Variants in RFX4 observed in about 807,000 individuals in gnomAD.
RFX4 encodes transcription factor RFX4.
Under a neutral mutation model 95.0 loss-of-function variants are expected in RFX4, and 10 were observed. The ratio of observed to expected loss-of-function variants is 0.11; its 90% confidence interval spans 0.06 to 0.18. The LOEUF (loss-of-function observed/expected upper bound fraction) is 0.18, where lower values mean the gene tolerates loss of function less well. Among genes scored for constraint, RFX4 ranks in the 10% least tolerant of loss-of-function variants. The pLI is 1.00. For synonymous variants in RFX4, 321 were observed against 340.7 expected (o/e 0.94, Z 0.64); for missense variants, 640 against 922.0 (o/e 0.69, Z 3.96).
chr12:106,734,487 T>G (rs2042673203), intron 15 of RFX4, among the ~76,000 whole-genome samples: 1 of 151,250 alleles, frequency 6.6e-6, no homozygotes, highest in South Asian at 2.1e-4. Flanking sequence ...TCCCAGCTAC[T>G]AAGGAGGCTG....
intron 11 of RFX4, 36 bp downstream of exon 11, chr12:106,715,580 T>C (rs1168148916): frequency 4.4e-6 from 7 of 1,603,974 alleles, no homozygotes; most frequent in Non-Finnish European, 6.0e-6. Flanking sequence ...GTCCTGTTTT[T>C]ATTTTTAAAA....
intron 17 of RFX4, among the ~76,000 whole-genome samples, chr12:106,756,275 A>G (rs1022754593): frequency 1.3e-5 from 2 of 152,224 alleles, no homozygotes; most frequent in African/African-American, 2.4e-5. Context: ...GACCAAGTAC[A>G]TAGCTACAAA....
rs74347815 is a variant in RFX4, at chr12:106,712,558, G to A, written c.993+1047G>A. Reference sequence around the variant, plus strand: ...TTTCTAGTTAGAGTGGCCTGAAGGAGGGTCCCAGACCAGGAACCAGAAAGT... The same window carrying A: ...TTTCTAGTTAGAGTGGCCTGAAGGAAGGTCCCAGACCAGGAACCAGAAAGT... On this transcript the variant is annotated intron_variant, in intron 10 of 17. Transcript: ENST00000392842. Among the ~76,000 whole-genome samples the A allele has an allele frequency of 1.3e-3, 198 of 152,222 alleles. 6 individuals are homozygous for A. The East Asian group carries it at 0.033, about 25-fold the overall frequency.
At chr12:106,601,983 T>G (rs940681131) in intron 1 of RFX4, among the ~76,000 whole-genome samples, 1 of 152,084 alleles carries the variant, frequency 6.6e-6, no homozygotes, top group Admixed American at 6.6e-5. Context: ...CCATGGAAGC[T>G]CTCCTCTCTA....
At chr12:106,626,402 G>A (rs889030728) in intron 2 of RFX4, among the ~76,000 whole-genome samples, 2 of 152,172 alleles carry the variant, frequency 1.3e-5, no homozygotes, top group Admixed American at 6.5e-5. Context: ...TACGAGACTG[G>A]TCTTGAGCTT....
At chr12:106,654,799 C>T (rs1289197193) in intron 4 of RFX4, among the ~76,000 whole-genome samples, 1 of 152,176 alleles carries the variant, frequency 6.6e-6, no homozygotes, top group Admixed American at 6.5e-5. Flanking sequence ...AGACTGTTCT[C>T]TTTCCACCTT....
chr12:106,612,603 C>T lies in RFX4; in HGVS notation c.130+3720C>T, dbSNP rs746587580. On this transcript the variant is annotated intron_variant, in intron 2 of 17. Coordinates refer to ENST00000392842, the MANE Select transcript of RFX4 (RefSeq NM_213594.3). Reference sequence around the variant, plus strand: ...TTGTAATCCCAGCACTTTGGGAGGCCGAGGGAGGTGGATCACCTGAGGTCA... The same window carrying T: ...TTGTAATCCCAGCACTTTGGGAGGCTGAGGGAGGTGGATCACCTGAGGTCA... Among the ~76,000 whole-genome samples the T allele has an allele frequency of 5.3e-5, 8 of 152,050 alleles. No individual in the cohort carries two copies. In the East Asian group the frequency reaches 1.3e-3, roughly 26 times the overall value.
intron 16 of RFX4, among the ~76,000 whole-genome samples, chr12:106,749,942 T>C (rs965758637): frequency 6.6e-6 from 1 of 152,168 alleles, no homozygotes; most frequent in Non-Finnish European, 1.5e-5. Context: ...TACAAAAACA[T>C]AAATCTCACA....
At chr12:106,654,771 G>C (rs2040923079) in intron 4 of RFX4, among the ~76,000 whole-genome samples, 1 of 152,086 alleles carries the variant, frequency 6.6e-6, no homozygotes, top group Non-Finnish European at 1.5e-5. Flanking sequence ...GGTACTATTT[G>C]CATTATCACT....
intron 1 of RFX4, chr12:106,601,327 T>C (rs368999937): frequency 3.8e-6 from 6 of 1,590,094 alleles, no homozygotes; most frequent in Admixed American, 1.7e-5. Flanking sequence ...GGACCAGGCC[T>C]CGACGGCGCC....
At chr12:106,674,156 G>A (rs1018450457) in intron 4 of RFX4, among the ~76,000 whole-genome samples, 3 of 152,174 alleles carry the variant, frequency 2.0e-5, no homozygotes, top group Non-Finnish European at 2.9e-5. Flanking sequence ...TTCCTGAAAC[G>A]AATGAGACAA....
At chr12:106,628,039 C>T (rs1024959597) in intron 2 of RFX4, among the ~76,000 whole-genome samples, 5 of 152,172 alleles carry the variant, frequency 3.3e-5, no homozygotes, top group Non-Finnish European at 7.3e-5. Flanking sequence ...AACCCAGGTT[C>T]GAGACTGCTA....
At chr12:106,755,045 T>C (rs1342993325) in intron 17 of RFX4, among the ~76,000 whole-genome samples, 2 of 152,250 alleles carry the variant, frequency 1.3e-5, no homozygotes, top group African/African-American at 2.4e-5. Context: ...TTCAGAGCAC[T>C]GTTCTAGGCA....
intron 4 of RFX4, among the ~76,000 whole-genome samples, chr12:106,681,369 G>A (rs933062730): frequency 6.6e-6 from 1 of 152,212 alleles, no homozygotes; most frequent in Admixed American, 6.5e-5. Context: ...GCAGGGCCAT[G>A]TGACCCTTGT....
Position 106,719,979 on chromosome 12 carries a change from T to C in RFX4, c.1158T>C (p.His386=), listed in dbSNP as rs568417316. The C allele has an allele frequency of 1.1e-5, 18 of 1,614,166 alleles. No individual in the cohort carries two copies. The African/African-American group carries it at 1.9e-4, about 17-fold the overall frequency. The change falls in exon 12 of 18, where the codon CAT becomes CAC. Residue 386 remains histidine, a synonymous_variant. Transcript: ENST00000392842. ...LITQLYQEFD[H]LLEEQSPIES... Reference sequence around the variant, plus strand: ...TGACAGTATATCAGGAGTTTGACCATCTCTTGGAGGAGCAGTCTCCCATCG... The same window carrying C: ...TGACAGTATATCAGGAGTTTGACCACCTCTTGGAGGAGCAGTCTCCCATCG...
chr12:106,653,592 C>G (rs2040897336), intron 3 of RFX4, among the ~76,000 whole-genome samples: 1 of 152,184 alleles, frequency 6.6e-6, no homozygotes, highest in Non-Finnish European at 1.5e-5. Context: ...TGGAGACTCA[C>G]TAAGAAGGTG....
intron 1 of RFX4, among the ~76,000 whole-genome samples, chr12:106,584,430 C>G (rs867085322): frequency 9.9e-5 from 15 of 152,202 alleles, no homozygotes; most frequent in Admixed American, 5.9e-4. Flanking sequence ...GGGCAGTGGA[C>G]TCAGCCTGGG....
chr12:106,583,722 A>C (rs1360176038), intron 1 of RFX4: 1 of 185,696 alleles, frequency 5.4e-6, no homozygotes, highest in East Asian at 1.3e-4. Context: ...TCCCGGACCC[A>C]GGTCCTCCTA....
intron 4 of RFX4, among the ~76,000 whole-genome samples, chr12:106,664,731 A>G (rs2041140766): frequency 6.6e-6 from 1 of 151,694 alleles, no homozygotes; most frequent in South Asian, 2.1e-4. Flanking sequence ...ACAAATTTTA[A>G]TGTTGCATTT....
Sources: gnomAD v4.1 joint callset for allele counts (sites outside exome capture counted in the v4.1 genomes callset) on GRCh38, gnomAD v4.1.1 for gene constraint, MANE v1.5 for transcripts, NCBI Gene and HGNC (gene_info 2026-07-23, HGNC 2026-07-21) for gene names.